Variants in CTIF observed in about 807,000 individuals in gnomAD.
CTIF encodes cap binding complex dependent translation initiation factor.
A neutral mutation model predicts 66.0 loss-of-function variants in CTIF; 21 were observed. That is an observed-to-expected ratio of 0.32 (90% CI 0.23 to 0.46). The LOEUF (loss-of-function observed/expected upper bound fraction) is 0.46, where lower values mean the gene tolerates loss of function less well. Among genes scored for constraint, CTIF ranks in the 20% least tolerant of loss-of-function variants. The pLI is 1.00. For missense variants in CTIF, 739 were observed against 812.7 expected (o/e 0.91, Z 1.10); for synonymous variants, 345 against 326.4 (o/e 1.06, Z -0.62).
At chr18:48,661,629 C>A (rs746625939) in intron 3 of CTIF, among the ~76,000 whole-genome samples, 3 of 151,984 alleles carry the variant, frequency 2.0e-5, no homozygotes, top group Non-Finnish European at 4.4e-5. Context: ...TGAGGCAACT[C>A]GAAGAAAAGG....
chr18:48,608,177 G>C (rs1197362741), intron 1 of CTIF, among the ~76,000 whole-genome samples: 2 of 152,016 alleles, frequency 1.3e-5, no homozygotes, highest in Admixed American at 6.6e-5. Flanking sequence ...AGAGTGTATG[G>C]GTCTGCAGAG....
intron 1 of CTIF, among the ~76,000 whole-genome samples, chr18:48,559,819 G>C (rs569141300): frequency 1.3e-5 from 2 of 152,080 alleles, no homozygotes; most frequent in Non-Finnish European, 2.9e-5. Flanking sequence ...GGTGAGAGGC[G>C]GGTGAAGATC....
chr18:48,854,816 A>T (rs1032861402), intron 10 of CTIF, among the ~76,000 whole-genome samples: 2 of 152,194 alleles, frequency 1.3e-5, no homozygotes, highest in Non-Finnish European at 2.9e-5. Flanking sequence ...CCATCTACGC[A>T]GGAGGCTGAG....
intron 9 of CTIF, among the ~76,000 whole-genome samples, chr18:48,771,672 G>A (rs1910132243): frequency 6.6e-6 from 1 of 152,176 alleles, no homozygotes; most frequent in Non-Finnish European, 1.5e-5. Context: ...TACCGGAGAA[G>A]GCCAGCTCGG....
chr18:48,817,588 A>T (rs9965018), intron 10 of CTIF, among the ~76,000 whole-genome samples: 75,037 of 151,906 alleles, frequency 0.49, 20,118 homozygotes, highest in African/African-American at 0.71. Context: ...CCATCCTGGC[A>T]AACACGATGA....
chr18:48,722,736 A>G (rs1210701014), intron 7 of CTIF, among the ~76,000 whole-genome samples: 1 of 151,424 alleles, frequency 6.6e-6, no homozygotes, highest in Non-Finnish European at 1.5e-5. Context: ...GGCCGTACCC[A>G]TCAGCGCTCA....
At chr18:48,561,235 C>CA (rs36056519) in intron 1 of CTIF, among the ~76,000 whole-genome samples, 24,464 of 92,302 alleles carry the variant, frequency 0.27, 4,190 homozygotes, top group African/African-American at 0.4. Flanking sequence ...GACTCTGTCT[C>CA]AAAAAAAAAA....
At chr18:48,568,564 G>A (rs2089327789) in intron 1 of CTIF, among the ~76,000 whole-genome samples, 1 of 139,878 alleles carries the variant, frequency 7.1e-6, no homozygotes, top group Admixed American at 7.5e-5. Context: ...AGATCAAGGT[G>A]TCAGCAGGGT....
chr18:48,817,612 C>T (rs2068395044), intron 10 of CTIF, among the ~76,000 whole-genome samples: 1 of 152,230 alleles, frequency 6.6e-6, no homozygotes, highest in African/African-American at 2.4e-5. Context: ...CCCATCTCTA[C>T]TAAAAATGCA....
At chr18:48,812,768 A>G (rs974765297) in intron 9 of CTIF, among the ~76,000 whole-genome samples, 2 of 151,980 alleles carry the variant, frequency 1.3e-5, no homozygotes, top group African/African-American at 4.8e-5. Flanking sequence ...AAAAAAAAAA[A>G]AATGAAAAAA....
intron 1 of CTIF, among the ~76,000 whole-genome samples, chr18:48,557,899 C>T (rs1295510363): frequency 6.6e-6 from 1 of 152,228 alleles, no homozygotes; most frequent in Non-Finnish European, 1.5e-5. Context: ...TAATCAGACC[C>T]CACCCTTAGG....
chr18:48,800,085 G>A (rs115584165), intron 9 of CTIF, among the ~76,000 whole-genome samples: 1,658 of 152,356 alleles, frequency 0.011, 36 homozygotes, highest in African/African-American at 0.038. Context: ...AGCAGCCGGA[G>A]GAAGAGGGTC....
intron 1 of CTIF, among the ~76,000 whole-genome samples, chr18:48,619,146 G>A (rs1249267067): frequency 2.0e-5 from 3 of 152,224 alleles, no homozygotes; most frequent in Non-Finnish European, 1.5e-5. Flanking sequence ...TGGTTCTGTT[G>A]TTTATTTCAT....
intron 7 of CTIF, among the ~76,000 whole-genome samples, chr18:48,732,367 G>A (rs1007420496): frequency 6.6e-6 from 1 of 152,130 alleles, no homozygotes; most frequent in Admixed American, 6.5e-5. Flanking sequence ...GAGGTTGTAA[G>A]GCAACCCCGA....
At chr18:48,714,534 T>C (rs561203830) in intron 7 of CTIF, among the ~76,000 whole-genome samples, 1 of 152,312 alleles carries the variant, frequency 6.6e-6, no homozygotes, top group African/African-American at 2.4e-5. Context: ...ATGAGCGTGC[T>C]GCTGAAGCTA....
chr18:48,668,706 G>T (rs1051423998), intron 5 of CTIF, among the ~76,000 whole-genome samples: 4 of 152,050 alleles, frequency 2.6e-5, no homozygotes, highest in African/African-American at 4.8e-5. Context: ...GTCAGCCTGG[G>T]ACATCCTCCC....
chr18:48,669,836 TATATAA>T (rs2091499006), intron 5 of CTIF, among the ~76,000 whole-genome samples: 4 of 120,328 alleles, frequency 3.3e-5, no homozygotes, highest in African/African-American at 6.3e-5. Flanking sequence ...TATATATATA[TATATAA>T]GCTAGACTAT....
intron 3 of CTIF, among the ~76,000 whole-genome samples, chr18:48,655,327 T>TA (rs2091229776): frequency 1.6e-5 from 2 of 127,170 alleles, no homozygotes; most frequent in African/African-American, 3.1e-5. Flanking sequence ...AAAAGAAGAA[T>TA]AAAAAAAGCC....
At chr18:48,647,286 G>T (rs1406922098) in intron 3 of CTIF, among the ~76,000 whole-genome samples, 1 of 152,240 alleles carries the variant, frequency 6.6e-6, no homozygotes, top group African/African-American at 2.4e-5. Context: ...GTGGTTGCCA[G>T]GATGAGGGAA....
Sources: gnomAD v4.1 joint callset for allele counts (sites outside exome capture counted in the v4.1 genomes callset) on GRCh38, gnomAD v4.1.1 for gene constraint, MANE v1.5 for transcripts, NCBI Gene and HGNC (gene_info 2026-07-23, HGNC 2026-07-21) for gene names.